SCTR: variants seen among roughly 807,000 people sequenced by gnomAD.
The protein encoded by SCTR is pancreatic secretin receptor.
A neutral mutation model predicts 60.8 loss-of-function variants in SCTR; 56 were observed. The observed-to-expected ratio is 0.92, with a 90% CI of 0.74 to 1.15. The LOEUF is 1.15. Among genes scored for constraint, SCTR ranks in the 50% most tolerant of loss-of-function variants. The pLI, the probability that SCTR is intolerant of heterozygous loss-of-function variation, is 0.00. For synonymous variants in SCTR, 202 were observed against 217.0 expected (o/e 0.93, Z 0.61); for missense variants, 562 against 550.4 (o/e 1.02, Z -0.21).
At chr2:119,516,171 A>G (rs578073884) in intron 1 of SCTR, among the ~76,000 whole-genome samples, 1 of 152,344 alleles carries the variant, frequency 6.6e-6, no homozygotes, top group South Asian at 2.1e-4. Context: ...TCCTCAAAAA[A>G]ATTCAAAATA....
chr2:119,506,685 A>G (rs993204570), intron 1 of SCTR, among the ~76,000 whole-genome samples: 3 of 152,072 alleles, frequency 2.0e-5, no homozygotes, highest in Non-Finnish European at 2.9e-5. Context: ...CTCTGTTCCC[A>G]GGCTGATCTT....
At chr2:119,473,383 C>T (rs1677107749) in intron 4 of SCTR, 70 bp downstream of exon 4, 1 of 1,102,630 alleles carries the variant, frequency 9.1e-7, no homozygotes, top group Non-Finnish European at 1.4e-6. Flanking sequence ...CCAGGGCCTC[C>T]TCTCCCAGGG....
At position 119,440,158 on chromosome 2, in the gene SCTR, A is replaced by G. The variant is rs1241554105; in HGVS notation, c.1282T>C (p.Leu428=). 6.2e-7 allele frequency: 1 copy of G among 1,614,068 alleles called. No individual in the cohort carries two copies. The highest frequency in any genetic ancestry group is 1.7e-5 in the Admixed American group (1 of 60,018). Residue 428 remains leucine (L), a synonymous_variant, in exon 13 of 13, where the codon TTG becomes CTG. Coordinates refer to ENST00000019103, the MANE Select transcript of SCTR (RefSeq NM_002980.3). ...SFSNSTKASH[L]EQSQGTCRTS... is the part of the protein sequence containing the mutation. ...CTGCAGGTGCCCTGGCTCTGCTCCA[A>G]GTGGCTGGCCTTGGTGCTGTTGCTG...
At chr2:119,445,534 A>T (rs1256567319) in intron 11 of SCTR, among the ~76,000 whole-genome samples, 3 of 152,110 alleles carry the variant, frequency 2.0e-5, no homozygotes, top group African/African-American at 7.2e-5. Flanking sequence ...TAACAGGAAG[A>T]CCCTACCCTG....
At chr2:119,447,230 G>A (rs1573791289) in intron 10 of SCTR, among the ~76,000 whole-genome samples, 1 of 151,978 alleles carries the variant, frequency 6.6e-6, no homozygotes, top group South Asian at 2.1e-4. Context: ...AAGCAAAGCC[G>A]GCTTTCTCAT....
chr2:119,523,572 G>A (rs1380015456), intron 1 of SCTR, among the ~76,000 whole-genome samples: 1 of 151,838 alleles, frequency 6.6e-6, no homozygotes, highest in African/African-American at 2.4e-5. Context: ...CGGTCCCATC[G>A]CAGACCCAGA....
chr2:119,452,727 C>G (rs1040573833), intron 8 of SCTR, among the ~76,000 whole-genome samples: 1 of 152,152 alleles, frequency 6.6e-6, no homozygotes, highest in Non-Finnish European at 1.5e-5. Flanking sequence ...CTGGTTGTGT[C>G]ATTATGCCCC....
chr2:119,454,696 A>G (rs1683305287), intron 7 of SCTR, among the ~76,000 whole-genome samples: 1 of 152,124 alleles, frequency 6.6e-6, no homozygotes, highest in African/African-American at 2.4e-5. Context: ...TCTATTAAAA[A>G]AACAAAAACT....
At chr2:119,484,692 T>A (rs1677788690) in intron 2 of SCTR, 2 of 152,142 alleles carry the variant, frequency 1.3e-5, no homozygotes, top group South Asian at 4.1e-4. Flanking sequence ...GTTTGTTTTT[T>A]GCCTTTTCTC....
intron 7 of SCTR, among the ~76,000 whole-genome samples, chr2:119,455,126 G>A (rs894097972): frequency 7.2e-5 from 11 of 152,060 alleles, no homozygotes; most frequent in Admixed American, 5.9e-4. Context: ...TCCCCGGGCC[G>A]CTCAGTTTTC....
chr2:119,446,822 G>A lies in SCTR; in HGVS notation c.1077C>T (p.Ala359=), dbSNP rs149106831. ...TCTCCATAGCGTCCTCTGGGGAGAAGGCGAAGACGATGTAGTGGATGCCAA... is the reference window on the plus strand; with the variant it reads ...TCTCCATAGCGTCCTCTGGGGAGAAAGCGAAGACGATGTAGTGGATGCCAA... ...PLFGIHYIVF[A]FSPEDAMEIQ... Residue 359 remains alanine, a synonymous_variant, in exon 11 of 13, where the codon GCC becomes GCT. Coordinates refer to ENST00000019103, the MANE Select transcript of SCTR (RefSeq NM_002980.3). 5.2e-5 allele frequency: 82 copies of A among 1,583,900 alleles called. No homozygotes were observed. In the African/African-American group the frequency reaches 9.4e-4, roughly 18 times the overall value.
chr2:119,473,441 T>C lies in SCTR; in HGVS notation c.405+12A>G, dbSNP rs1469692463. On this transcript the variant is annotated intron_variant, in intron 4 of 12. Transcript: ENST00000019103. The stretch of plus-strand genomic sequence containing the variant: ...GTCCCCGGGTTCGTGGGGTGGAGGT[T>C]GACAGGCTTACCCGCTTCTCGTTGG... 1 of 1,599,074 alleles carries C rather than the reference T, an allele frequency of 6.3e-7. No individual in the cohort carries two copies. The highest frequency in any genetic ancestry group is 1.7e-5 in the Admixed American group (1 of 59,988).
intron 9 of SCTR, among the ~76,000 whole-genome samples, 192 bp downstream of exon 9, chr2:119,451,818 A>G (rs895814163): frequency 2.0e-5 from 3 of 151,914 alleles, no homozygotes; most frequent in Non-Finnish European, 4.4e-5. Flanking sequence ...CTTACCCCTC[A>G]CTGCACTCCC....
At chr2:119,442,305 T>C (rs1385350659) in intron 11 of SCTR, among the ~76,000 whole-genome samples, 1 of 152,206 alleles carries the variant, frequency 6.6e-6, no homozygotes, top group African/African-American at 2.4e-5. Context: ...GGGCGCCTGC[T>C]TGGAGCCTAA....
In SCTR at chr2:119,492,265, A is replaced by G. The variant is rs575886064; in HGVS notation, c.193+2163T>C. ...GCTCCAGCTCTTTTTGTAATATGCA[A>G]CAAATAAATTCCTGTCTGGTGAAAC... On this transcript the variant is annotated intron_variant, in intron 2 of 12. Transcript: ENST00000019103. Among the ~76,000 whole-genome samples the G allele has an allele frequency of 4.6e-5, 7 of 152,348 alleles. No individual in the cohort carries two copies. The South Asian group carries it at 1.4e-3, about 32-fold the overall frequency.
At chr2:119,489,000 G>A (rs539491407) in intron 2 of SCTR, among the ~76,000 whole-genome samples, 14 of 152,202 alleles carry the variant, frequency 9.2e-5, no homozygotes, top group African/African-American at 2.2e-4. Context: ...ACCCTCTGCC[G>A]CCACGGGGAG....
chr2:119,499,036 A>G (rs2104912661), intron 1 of SCTR, among the ~76,000 whole-genome samples: 2 of 152,202 alleles, frequency 1.3e-5, no homozygotes. Flanking sequence ...AAAAATATAT[A>G]TTATGTAAAC....
chr2:119,465,982 G>T, intron 4 of SCTR, 96 bp from the exon 5 acceptor site: 1 of 791,738 alleles, frequency 1.3e-6, no homozygotes. Flanking sequence ...TGAACCCACC[G>T]ACGCTGCTAT....
chr2:119,479,636 C>G (rs1677507194), intron 2 of SCTR: 1 of 152,242 alleles, frequency 6.6e-6, no homozygotes, highest in Admixed American at 6.5e-5. Context: ...CCTATGGACA[C>G]AGCTCCACAA....
Sources: gnomAD v4.1 joint callset for allele counts (sites outside exome capture counted in the v4.1 genomes callset) on GRCh38, gnomAD v4.1.1 for gene constraint, MANE v1.5 for transcripts, NCBI Gene and HGNC (gene_info 2026-07-23, HGNC 2026-07-21) for gene names.